The following VPS13D variants were observed in gnomAD, a reference collection of about 807,000 sequenced individuals.
VPS13D encodes the protein intermembrane lipid transfer protein VPS13D.
A neutral mutation model predicts 461.9 loss-of-function variants in VPS13D; 187 were observed. That is an observed-to-expected ratio of 0.40 (90% CI 0.36 to 0.46). VPS13D has a LOEUF of 0.46. VPS13D is among the 20% of genes least tolerant of loss of function. The pLI is 0.60. For missense variants in VPS13D, 4,711 were observed against 5,364.9 expected (o/e 0.88, Z 3.81); for synonymous variants, 1,951 against 1,986.3 (o/e 0.98, Z 0.47).
rs1416410587 is a variant in VPS13D, at chr1:12,456,121, C to T, written c.12457C>T (p.Leu4153=). The change falls in exon 66 of 70, where the codon CTG becomes TTG. Residue 4153 remains leucine (L), a synonymous_variant. Transcript: ENST00000620676. ...ACACCTTGTAGCCGGCATCCATGGC[C>T]TGGCTCATGGTAAGTCATGGGTGAC... ...GEHLVAGIHG[L]AHGIIGGLTS... is the part of the protein sequence containing the mutation. The T allele has an allele frequency of 3.7e-6, 6 of 1,612,154 alleles. No individual in the cohort carries two copies. In the South Asian group the frequency reaches 6.6e-5, roughly 18 times the overall value.
chr1:12,255,975 T>C (rs372697349), intron 7 of VPS13D, among the ~76,000 whole-genome samples: 3 of 151,578 alleles, frequency 2.0e-5, no homozygotes, highest in African/African-American at 7.3e-5. Flanking sequence ...TTTTATAGTG[T>C]TTTTGGATTT....
Position 12,253,864 on chromosome 1 carries a change from T to C in VPS13D, c.669+38T>C, listed in dbSNP as rs768746608. The C allele has an allele frequency of 5.0e-5, 79 of 1,576,310 alleles. No individual in the cohort carries two copies. The Admixed American group carries it at 1.2e-3, about 24-fold the overall frequency. On this transcript the variant is annotated intron_variant, in intron 7 of 69. Coordinates refer to ENST00000620676, the MANE Select transcript of VPS13D (RefSeq NM_015378.4). ...CAGGGAGATTTGTTGCAAGACAGCA[T>C]GGAAGGGAAGCGGCGTAGGGTCACT...
At chr1:12,500,778 C>T (rs1233635630) in intron 68 of VPS13D, among the ~76,000 whole-genome samples, 1 of 151,080 alleles carries the variant, frequency 6.6e-6, no homozygotes, top group Non-Finnish European at 1.5e-5. Flanking sequence ...GGTCCGAACT[C>T]CTGGCCTCAA....
intron 67 of VPS13D, among the ~76,000 whole-genome samples, chr1:12,484,727 G>T (rs1238312704): frequency 6.6e-6 from 1 of 152,238 alleles, no homozygotes; most frequent in African/African-American, 2.4e-5. Context: ...CCTAAGATTG[G>T]TGGGAAAGTA....
rs1646121539 is a variant in VPS13D, at chr1:12,507,170, C to T, written c.13035+77C>T. 1.2e-6 allele frequency: 2 copies of T among 1,608,418 alleles called. No homozygotes were observed. The highest frequency in any genetic ancestry group is 1.7e-6 in the Non-Finnish European group (2 of 1,176,950). On this transcript the variant is annotated intron_variant, in intron 69 of 69. Coordinates refer to ENST00000620676, the MANE Select transcript of VPS13D (RefSeq NM_015378.4). This position sits in a 1 kb window ranked among gnomAD's most constrained non-coding sequence, Gnocchi z 5.3. ...TGCCTCTGCCCTGCTTCCCCGTCCT[C>T]AGCAGGAGCTCATTTAGGAGGTTGA...
At chr1:12,386,449 C>A in intron 60 of VPS13D, 115 bp downstream of exon 60, 1 of 1,238,260 alleles carries the variant, frequency 8.1e-7, no homozygotes, top group Non-Finnish European at 1.1e-6. Flanking sequence ...ATCTTGTGGC[C>A]TTCAAAAAAT....
chr1:12,407,942 C>T (rs1055888892), intron 63 of VPS13D, among the ~76,000 whole-genome samples: 8 of 152,164 alleles, frequency 5.3e-5, no homozygotes, highest in East Asian at 1.9e-4. Flanking sequence ...AATAAAGTAA[C>T]GCTCAAAGTA....
In VPS13D at chr1:12,318,167, A is replaced by G. The variant is rs1642939072; in HGVS notation, c.7244A>G (p.His2415Arg). ...CTACTGTTAGTCCATGATTTTCTCC[A>G]CACTCCCAGTGATATTAAGAAACAA... Reference protein sequence around the residue: ...DWLLLVHDFLHTPSDIKKQNH... With the variant: ...DWLLLVHDFLRTPSDIKKQNH... The change falls in exon 31 of 70, where the codon CAC (histidine) becomes CGC (arginine). Residue 2415 changes from histidine (H) to arginine (R), a missense_variant. Around this residue, in one of 3 missense-constraint regions of VPS13D, gnomAD observed 4,411 missense variants for 4,937.8 expected, o/e 0.89. Coordinates refer to ENST00000620676, the MANE Select transcript of VPS13D (RefSeq NM_015378.4). The G allele has an allele frequency of 1.2e-6, 2 of 1,614,068 alleles. No homozygotes were observed. Among genetic ancestry groups the G allele is most frequent in the South Asian group, 1.1e-5 (1 of 91,080 alleles).
chr1:12,278,769 T>G (rs1219096464), intron 19 of VPS13D, among the ~76,000 whole-genome samples: 1 of 152,218 alleles, frequency 6.6e-6, no homozygotes, highest in Non-Finnish European at 1.5e-5. Context: ...TGTAAATAGT[T>G]TGTGGATATT....
In VPS13D at chr1:12,507,852, G is replaced by A. The variant is rs1646133491; in HGVS notation, c.13035+759G>A. ...TCTGGCCAGTCGGCCCTGGAGGCTT[G>A]CCATGACACCCAGGTGTTAGTCCTG... On this transcript the variant is annotated intron_variant, in intron 69 of 69. Transcript: ENST00000620676. The surrounding 1 kb of genome is among the most constrained non-coding windows in gnomAD (Gnocchi z 5.3). Among the ~76,000 whole-genome samples, 1 of 152,252 alleles carries A rather than the reference G, an allele frequency of 6.6e-6. No individual in the cohort carries two copies. The highest frequency in any genetic ancestry group is 6.5e-5 in the Admixed American group (1 of 15,286).
At chr1:12,320,054 C>A (rs941442177) in intron 32 of VPS13D, among the ~76,000 whole-genome samples, 1 of 152,188 alleles carries the variant, frequency 6.6e-6, no homozygotes, top group African/African-American at 2.4e-5. Flanking sequence ...GGAAGGGAAA[C>A]CTATTTATAC....
chr1:12,380,569 G>A (rs1644260032), intron 57 of VPS13D, among the ~76,000 whole-genome samples: 1 of 152,224 alleles, frequency 6.6e-6, no homozygotes, highest in East Asian at 1.9e-4. Context: ...TGCCCTTTCT[G>A]GCTTCAGGCT....
chr1:12,506,934 C>T lies in VPS13D; in HGVS notation c.12876C>T (p.Tyr4292=), dbSNP rs1182163476. The change falls in exon 69 of 70, where the codon TAC becomes TAT. Residue 4292 remains tyrosine, a synonymous_variant. Coordinates refer to ENST00000620676, the MANE Select transcript of VPS13D (RefSeq NM_015378.4). ...TTTACTTCCTGAAAAGTGGAGACTA[C>T]GTGGATCGAGAAGCCATTTTCCTAG... ...KAVYFLKSGD[Y]VDREAIFLEV... 14 of 1,614,132 alleles carry T rather than the reference C, an allele frequency of 8.7e-6. No individual in the cohort carries two copies. Among genetic ancestry groups the T allele is most frequent in the Admixed American group, 5.0e-5 (3 of 60,014 alleles).
intron 54 of VPS13D, among the ~76,000 whole-genome samples, chr1:12,371,209 C>T (rs1363156852): frequency 6.6e-6 from 1 of 152,048 alleles, no homozygotes; most frequent in Non-Finnish European, 1.5e-5. Flanking sequence ...CAGTCACTCC[C>T]CATTCCTCCC....
chr1:12,438,363 C>T lies in VPS13D; in HGVS notation c.12334-17635C>T, dbSNP rs1645088119. On this transcript the variant is annotated intron_variant, in intron 65 of 69. Coordinates refer to ENST00000620676, the MANE Select transcript of VPS13D (RefSeq NM_015378.4). ...ATCTAGGAAGCAGGCCCTCATCAGACATTGAATCAGACACCGAATCTGCTG... is the reference window on the plus strand; with the variant it reads ...ATCTAGGAAGCAGGCCCTCATCAGATATTGAATCAGACACCGAATCTGCTG... Among the ~76,000 whole-genome samples, 4 of 152,186 alleles carry T rather than the reference C, an allele frequency of 2.6e-5. No individual in the cohort carries two copies. In the South Asian group the frequency reaches 8.3e-4, roughly 32 times the overall value.
chr1:12,291,039 C>G lies in VPS13D; in HGVS notation c.5767C>G (p.Leu1923Val), dbSNP rs1343106632. The change falls in exon 23 of 70, where the codon CTA (leucine) becomes GTA (valine). Residue 1923 changes from leucine (L) to valine (V), a missense_variant. Around this residue, in one of 3 missense-constraint regions of VPS13D, gnomAD observed 4,411 missense variants for 4,937.8 expected, o/e 0.89. Transcript: ENST00000620676. ...ALQGSIGSLS[L>V]SDLTCHGEFY... ...ACAGGGCAGCATTGGGAGTCTGTCT[C>G]TAAGTGACCTCACATGCCATGGAGA... 6 of 1,614,058 alleles carry G rather than the reference C, an allele frequency of 3.7e-6. No individual in the cohort carries two copies. Among genetic ancestry groups the G allele is most frequent in the East Asian group, 2.2e-5 (1 of 44,870 alleles).
At chr1:12,485,491 G>C (rs1248219396) in intron 67 of VPS13D, among the ~76,000 whole-genome samples, 3 of 152,234 alleles carry the variant, frequency 2.0e-5, no homozygotes, top group Non-Finnish European at 4.4e-5. Flanking sequence ...TACTGATTAG[G>C]CAGGAATCAG....
chr1:12,404,152 CGT>C (rs1644617780), intron 63 of VPS13D, among the ~76,000 whole-genome samples, 179 bp downstream of exon 63: 1 of 142,218 alleles, frequency 7.0e-6, no homozygotes, highest in Non-Finnish European at 1.5e-5. Context: ...TATTGACTTA[CGT>C]GTATTTGTCT....
chr1:12,397,720 A>G (rs985746951), intron 60 of VPS13D, among the ~76,000 whole-genome samples: 2 of 152,208 alleles, frequency 1.3e-5, no homozygotes, highest in Non-Finnish European at 2.9e-5. Context: ...TAACTGCTGT[A>G]AAGAATAGCT....
Sources: gnomAD v4.1 joint callset for allele counts (sites outside exome capture counted in the v4.1 genomes callset) on GRCh38, gnomAD v4.1.1 for gene constraint, gnomAD v4.1.1 regional missense constraint, Gnocchi (gnomAD v3.1) non-coding constraint, MANE v1.5 for transcripts, NCBI Gene and HGNC (gene_info 2026-07-23, HGNC 2026-07-21) for gene names.